Variants in SRFBP1 observed in about 807,000 individuals in gnomAD.
SRFBP1 encodes serum response factor binding protein 1.
Under a neutral mutation model 45.5 loss-of-function variants are expected in SRFBP1, and 47 were observed. That is an observed-to-expected ratio of 1.03 (90% CI 0.82 to 1.32). The LOEUF (loss-of-function observed/expected upper bound fraction) is 1.32. Among genes scored for constraint, SRFBP1 ranks in the 40% most tolerant of loss-of-function variants. The pLI, the probability that SRFBP1 is intolerant of heterozygous loss-of-function variation, is 0.00. For missense variants in SRFBP1, 621 were observed against 484.6 expected, an observed-to-expected ratio of 1.28 and a Z score of -2.64; for synonymous variants, 203 against 166.3, an observed-to-expected ratio of 1.22 and a Z score of -1.70.
At chr5:121,988,739 TGTG>T (rs1015609037) in intron 3 of SRFBP1, among the ~76,000 whole-genome samples, 10 of 152,212 alleles carry the variant, frequency 6.6e-5, no homozygotes, top group African/African-American at 2.4e-4. Context: ...ATTGGTACCT[TGTG>T]GCCCACAGAC....
At chr5:122,019,128 C>A in intron 4 of SRFBP1, 132 bp from the exon 5 acceptor site, 1 of 731,028 alleles carries the variant, frequency 1.4e-6, no homozygotes. Context: ...GATATCTTAT[C>A]TAAGGAGAAT....
chr5:121,997,606 C>T (rs1752758314), intron 4 of SRFBP1, among the ~76,000 whole-genome samples: 1 of 151,564 alleles, frequency 6.6e-6, no homozygotes, highest in Non-Finnish European at 1.5e-5. Flanking sequence ...TAGGCATGGG[C>T]AAGGACTTCA....
intron 1 of SRFBP1, among the ~76,000 whole-genome samples, chr5:121,973,897 A>G (rs1580499729): frequency 6.6e-6 from 1 of 151,896 alleles, no homozygotes; most frequent in Non-Finnish European, 1.5e-5. Flanking sequence ...CTCACTGTTT[A>G]TTATATTCCA....
intron 2 of SRFBP1, among the ~76,000 whole-genome samples, chr5:122,061,454 A>C (rs1261604396): frequency 6.6e-6 from 1 of 150,596 alleles, no homozygotes; most frequent in African/African-American, 2.4e-5. Flanking sequence ...ATTAAGAAAC[A>C]AACAAATTAT....
At chr5:121,974,344 G>T in intron 2 of SRFBP1, 60 bp downstream of exon 2, 2 of 1,248,220 alleles carry the variant, frequency 1.6e-6, no homozygotes, top group South Asian at 2.5e-5. Context: ...GTTTTTATTT[G>T]ATACTTTAAA....
intron 3 of SRFBP1, among the ~76,000 whole-genome samples, chr5:121,989,458 G>A (rs1752581258): frequency 6.6e-6 from 1 of 152,112 alleles, no homozygotes; most frequent in African/African-American, 2.4e-5. Context: ...AGAGCATGGT[G>A]TAACAGTATC....
chr5:122,019,927 C>T (rs1256794687), intron 5 of SRFBP1, among the ~76,000 whole-genome samples, 161 bp from the exon 6 acceptor site: 3 of 151,942 alleles, frequency 2.0e-5, no homozygotes, highest in African/African-American at 7.3e-5. Flanking sequence ...TTTAAGAAGT[C>T]GAAAGATTTC....
intron 4 of SRFBP1, among the ~76,000 whole-genome samples, chr5:122,010,548 A>G (rs184742934): frequency 6.6e-6 from 1 of 152,262 alleles, no homozygotes; most frequent in African/African-American, 2.4e-5. Context: ...ATAGCTGCAG[A>G]TACCCCTACT....
chr5:122,020,286 C>T lies in SRFBP1; in HGVS notation c.551C>T (p.Ser184Leu). ...KILAKKPIHN[S>L]KEKIAKMEHG... ...TTGGCGAAGAAACCAATACATAATTCAAAGGAAAAAATAGCAAAGATGGAA... is the reference window on the plus strand; with the variant it reads ...TTGGCGAAGAAACCAATACATAATTTAAAGGAAAAAATAGCAAAGATGGAA... Residue 184 changes from serine (S) to leucine (L), a missense_variant, in exon 6 of 8, where the codon TCA (serine) becomes TTA (leucine). Physicochemically the swap from Ser to Leu is moderately radical, Grantham distance 145. Coordinates refer to ENST00000339397, the MANE Select transcript of SRFBP1 (RefSeq NM_152546.3). The T allele has an allele frequency of 3.7e-6, 6 of 1,611,140 alleles. No individual in the cohort carries two copies. The highest frequency in any genetic ancestry group is 5.1e-6 in the Non-Finnish European group (6 of 1,179,244).
intron 2 of SRFBP1, chr5:122,066,146 A>T (rs1344071757): frequency 1.3e-5 from 2 of 152,116 alleles, no homozygotes; most frequent in East Asian, 3.9e-4. Context: ...TTAAATGTAA[A>T]CATACTTTTT....
chr5:122,000,182 A>G (rs1383366051), intron 4 of SRFBP1, among the ~76,000 whole-genome samples: 2 of 152,032 alleles, frequency 1.3e-5, no homozygotes, highest in African/African-American at 2.4e-5. Flanking sequence ...ATGCTGTTTT[A>G]TATGCAGTGT....
intron 2 of SRFBP1, among the ~76,000 whole-genome samples, chr5:122,045,967 T>C (rs1209511002): frequency 6.6e-6 from 1 of 152,184 alleles, no homozygotes; most frequent in Non-Finnish European, 1.5e-5. Context: ...CTTTTGCTTA[T>C]TCAGTATGAT....
intron 1 of SRFBP1, among the ~76,000 whole-genome samples, 185 bp downstream of exon 1, chr5:121,962,253 A>C (rs1751962678): frequency 6.6e-6 from 1 of 152,160 alleles, no homozygotes; most frequent in Non-Finnish European, 1.5e-5. Flanking sequence ...CAGGTGACTA[A>C]AGTGAGAGAC....
intron 2 of SRFBP1, among the ~76,000 whole-genome samples, chr5:122,060,182 G>A (rs1754148751): frequency 6.6e-6 from 1 of 152,090 alleles, no homozygotes; most frequent in Non-Finnish European, 1.5e-5. Context: ...GTTCTTTCTG[G>A]AGAGAAAGTC....
chr5:122,047,972 A>G (rs1753895928), intron 2 of SRFBP1, among the ~76,000 whole-genome samples: 1 of 152,176 alleles, frequency 6.6e-6, no homozygotes, highest in Non-Finnish European at 1.5e-5. Context: ...TTCTAGGTAT[A>G]CAATCATGTC....
At chr5:122,038,971 GA>G (rs151011595) in intron 2 of SRFBP1, among the ~76,000 whole-genome samples, 15 of 148,826 alleles carry the variant, frequency 1.0e-4, no homozygotes, top group African/African-American at 3.0e-4. Context: ...TGGTAATTAT[GA>G]AAAAAAAAAT....
rs115408453 is a variant in SRFBP1 at position 122,015,926 on chromosome 5, C to T, written c.271-3334C>T. On this transcript the variant is annotated intron_variant, in intron 4 of 7. Coordinates refer to ENST00000339397, the MANE Select transcript of SRFBP1 (RefSeq NM_152546.3). ...TAAGTCATATATCCCCTCCATCCTCCTCATATACTTATCTCCTGATATCCC... is the reference window on the plus strand; with the variant it reads ...TAAGTCATATATCCCCTCCATCCTCTTCATATACTTATCTCCTGATATCCC... 9.4e-3 allele frequency among the ~76,000 whole-genome samples: 1,428 copies of T among 152,260 alleles called. 6 individuals carry two copies. The highest frequency in any genetic ancestry group is 0.016 in the Non-Finnish European group (1,080 of 68,012).
chr5:122,060,677 G>C (rs1199664844), intron 2 of SRFBP1, among the ~76,000 whole-genome samples: 3 of 152,062 alleles, frequency 2.0e-5, no homozygotes, highest in Non-Finnish European at 2.9e-5. Context: ...ATGTAACCCG[G>C]TCTGCAGGCA....
chr5:122,047,279 C>T (rs1301750560), intron 2 of SRFBP1, among the ~76,000 whole-genome samples: 1 of 152,176 alleles, frequency 6.6e-6, no homozygotes, highest in Non-Finnish European at 1.5e-5. Flanking sequence ...AGCCAGTTTT[C>T]CCAGCACCAT....
Sources: allele counts gnomAD v4.1 joint callset (sites outside exome capture counted in the v4.1 genomes callset), GRCh38; gene constraint gnomAD v4.1.1; transcripts MANE v1.5; gene names NCBI Gene and HGNC (gene_info 2026-07-23, HGNC 2026-07-21).